The following PCDH15 variants were observed in gnomAD, a reference collection of about 807,000 sequenced individuals.
PCDH15 encodes protocadherin-15.
A neutral mutation model predicts 178.5 loss-of-function variants in PCDH15; 129 were observed. The observed-to-expected ratio is 0.72, with a 90% CI of 0.63 to 0.84. PCDH15 has a LOEUF of 0.84. Ranked by LOEUF, PCDH15 falls within the 40% of genes least tolerant of loss-of-function variation. The pLI, the probability that PCDH15 is intolerant of heterozygous loss-of-function variation, is 0.00. For synonymous variants in PCDH15, 800 were observed against 732.0 expected, an observed-to-expected ratio of 1.09 and a Z score of -1.50; for missense variants, 2,230 against 2,099.9, an observed-to-expected ratio of 1.06 and a Z score of -1.21.
intron 3 of PCDH15, among the ~76,000 whole-genome samples, chr10:54,869,678 A>G (rs961182905): frequency 6.6e-5 from 10 of 152,222 alleles, no homozygotes; most frequent in Non-Finnish European, 1.3e-4. Context: ...AAGATAATGG[A>G]CATAAATAAA....
At chr10:54,017,180 T>C (rs539424367) in intron 20 of PCDH15, among the ~76,000 whole-genome samples, 1 of 152,178 alleles carries the variant, frequency 6.6e-6, no homozygotes, top group African/African-American at 2.4e-5. Context: ...TGTGCCACCA[T>C]GCCCAGCTAA....
chr10:54,608,294 C>T (rs1332636179), intron 2 of PCDH15, among the ~76,000 whole-genome samples: 1 of 150,944 alleles, frequency 6.6e-6, no homozygotes, highest in Admixed American at 6.6e-5. Context: ...ATGACAAAAA[C>T]TTATCTCTAC....
chr10:54,289,233 C>G (rs1267990187), intron 8 of PCDH15, among the ~76,000 whole-genome samples: 1 of 152,178 alleles, frequency 6.6e-6, no homozygotes, highest in Non-Finnish European at 1.5e-5. Flanking sequence ...CAAACAGGGT[C>G]TGGAGTGGAA....
At chr10:54,779,419 TATAC>T (rs1370546542) in intron 1 of PCDH15, among the ~76,000 whole-genome samples, 5 of 125,646 alleles carry the variant, frequency 4.0e-5, no homozygotes, top group South Asian at 2.9e-4. Context: ...TATATATATA[TATAC>T]ACACACATAT....
At chr10:55,229,823 G>A (rs1292230036) in intron 1 of PCDH15, among the ~76,000 whole-genome samples, 1 of 152,012 alleles carries the variant, frequency 6.6e-6, no homozygotes, top group Admixed American at 6.6e-5. Context: ...GGGGGTTCTA[G>A]TTTGAGCAGA....
At chr10:53,862,410 T>G (rs894040184) in intron 27 of PCDH15, among the ~76,000 whole-genome samples, 1 of 152,114 alleles carries the variant, frequency 6.6e-6, no homozygotes, top group Non-Finnish European at 1.5e-5. Flanking sequence ...CATTGGCCAC[T>G]TGGAAAATAC....
chr10:54,295,155 G>A (rs2059668024), intron 8 of PCDH15, among the ~76,000 whole-genome samples: 1 of 152,000 alleles, frequency 6.6e-6, no homozygotes, highest in Non-Finnish European at 1.5e-5. Flanking sequence ...GAAGCCAGCT[G>A]AGCTTCTGGG....
intron 37 of PCDH15, chr10:53,808,308 A>C (rs1005568355): frequency 5.3e-5 from 27 of 512,516 alleles, no homozygotes; most frequent in Non-Finnish European, 6.4e-5. Context: ...AGATGATATA[A>C]AAACATATAT....
intron 8 of PCDH15, among the ~76,000 whole-genome samples, chr10:54,276,732 A>G (rs1373811877): frequency 1.3e-5 from 2 of 151,796 alleles, no homozygotes; most frequent in African/African-American, 4.8e-5. Context: ...CAGATTATAA[A>G]TAAATTTATA....
chr10:54,448,617 C>T (rs2076282127), intron 3 of PCDH15, among the ~76,000 whole-genome samples: 1 of 151,460 alleles, frequency 6.6e-6, no homozygotes, highest in South Asian at 2.1e-4. Flanking sequence ...TTATGGAAAA[C>T]ATTAAAAAAA....
At chr10:54,068,027 G>A (rs1291580617) in intron 17 of PCDH15, among the ~76,000 whole-genome samples, 5 of 151,832 alleles carry the variant, frequency 3.3e-5, no homozygotes, top group Non-Finnish European at 5.9e-5. Context: ...AATACCCAAT[G>A]CTTTCTGTTG....
intron 20 of PCDH15, among the ~76,000 whole-genome samples, chr10:54,017,477 G>A (rs942747333): frequency 6.6e-6 from 1 of 152,118 alleles, no homozygotes; most frequent in African/African-American, 2.4e-5. Context: ...ATAAAACCAT[G>A]TCCTTTGCAG....
chr10:55,081,079 A>C (rs1194261816), intron 2 of PCDH15, among the ~76,000 whole-genome samples: 1 of 152,136 alleles, frequency 6.6e-6, no homozygotes, highest in Admixed American at 6.6e-5. Context: ...TCATGTGCAC[A>C]GAGGAGGCTT....
rs962578283 is a variant in PCDH15, at chr10:55,600,073, T to C, written c.-156+27552A>G. On this transcript the variant is annotated intron_variant, in intron 2 of 5. Transcript: ENST00000613346. ...TGTATCATCCCTGCATTAAAAATTTTGGTTGGGGTGGCCGGGCACAGTGGC... is the reference window on the plus strand; with the variant it reads ...TGTATCATCCCTGCATTAAAAATTTCGGTTGGGGTGGCCGGGCACAGTGGC... 7.8e-6 allele frequency: 6 copies of C among 769,382 alleles called. No homozygotes were observed. In the African/African-American group the frequency reaches 1.1e-4, roughly 14 times the overall value. 47.7% of individuals were successfully genotyped at this position (769,382 alleles called of 1,614,324 possible).
chr10:54,126,707 CTTTG>C (rs765122463), intron 15 of PCDH15, among the ~76,000 whole-genome samples: 34 of 150,650 alleles, frequency 2.3e-4, no homozygotes, highest in Non-Finnish European at 4.1e-4. Flanking sequence ...ATAATGGACA[CTTTG>C]TTTATTTTTG....
At chr10:55,024,474 C>T (rs866812524) in intron 2 of PCDH15, among the ~76,000 whole-genome samples, 74 of 144,956 alleles carry the variant, frequency 5.1e-4, no homozygotes, top group African/African-American at 1.9e-3. Context: ...TATATATATA[C>T]ACACACACAT....
At chr10:55,388,579 T>C (rs1039252821) in intron 2 of PCDH15, among the ~76,000 whole-genome samples, 1 of 152,072 alleles carries the variant, frequency 6.6e-6, no homozygotes, top group Non-Finnish European at 1.5e-5. Flanking sequence ...TGAGAAGAAA[T>C]GGTTTAAGTC....
At chr10:55,610,352 T>A (rs1306650262) in intron 2 of PCDH15, among the ~76,000 whole-genome samples, 1 of 152,166 alleles carries the variant, frequency 6.6e-6, no homozygotes, top group Non-Finnish European at 1.5e-5. Context: ...ACAGGTTATA[T>A]ACTCTTAGGT....
chr10:54,916,198 T>C (rs1279050063), intron 2 of PCDH15, among the ~76,000 whole-genome samples: 1 of 152,094 alleles, frequency 6.6e-6, no homozygotes, highest in African/African-American at 2.4e-5. Flanking sequence ...CTCGAACTCC[T>C]GACCACCCAC....
Sources: gnomAD v4.1 joint callset for allele counts (sites outside exome capture counted in the v4.1 genomes callset) on GRCh38, gnomAD v4.1.1 for gene constraint, MANE v1.5 for transcripts, NCBI Gene and HGNC (gene_info 2026-07-23, HGNC 2026-07-21) for gene names.